FAM135A: variants seen among roughly 807,000 people sequenced by gnomAD.
The protein encoded by FAM135A is family with sequence similarity 135 member A.
Under a neutral mutation model 146.8 loss-of-function variants are expected in FAM135A, and 79 were observed. The observed-to-expected ratio is 0.54, with a 90% CI of 0.45 to 0.65. FAM135A has a LOEUF of 0.65. Among genes scored for constraint, FAM135A ranks in the 30% least tolerant of loss-of-function variants. The pLI is 0.00. For synonymous variants in FAM135A, 562 were observed against 603.6 expected, an observed-to-expected ratio of 0.93 and a Z score of 1.01; for missense variants, 1,623 against 1,758.2, an observed-to-expected ratio of 0.92 and a Z score of 1.38.
rs201641736 is a variant in FAM135A, at chr6:70,524,662, G to C, written c.1578G>C (p.Leu526Phe). The change falls in exon 15 of 22, where the codon TTG becomes TTC. Residue 526 changes from leucine to phenylalanine, a missense_variant. This residue lies in a region of FAM135A where 1,061 missense variants were observed against 1,113.8 expected (regional missense o/e 0.95). Transcript: ENST00000418814. ...DSVVLVGYKC[L>F]KSTASNDLIK... ...TGGTTTTGGTAGGCTACAAATGTTTGAAAAGTACAGCATCAAATGATCTCA... is the reference window on the plus strand; with the variant it reads ...TGGTTTTGGTAGGCTACAAATGTTTCAAAAGTACAGCATCAAATGATCTCA... 1.8e-5 allele frequency: 28 copies of C among 1,550,588 alleles called. No individual in the cohort carries two copies. Among genetic ancestry groups the C allele is most frequent in the Non-Finnish European group, 2.4e-5 (27 of 1,146,630 alleles).
rs1291472008 is a variant in FAM135A, at chr6:70,559,903, C to T, written c.4530C>T (p.Ala1510=). The T allele has an allele frequency of 1.2e-6, 2 of 1,613,034 alleles. No homozygotes were observed. Among genetic ancestry groups the T allele is most frequent in the South Asian group, 2.2e-5 (2 of 90,976 alleles). Residue 1510 remains alanine (A), a synonymous_variant, in exon 22 of 22, where the codon GCC becomes GCT. Coordinates refer to ENST00000418814, the MANE Select transcript of FAM135A (RefSeq NM_001162529.3). ...IFLEKFFLVA[A]LKYFQ ...TAGAGAAATTCTTTCTGGTTGCTGC[C>T]CTCAAATATTTCCAATAGTATAAAA...
intron 4 of FAM135A, among the ~76,000 whole-genome samples, chr6:70,429,119 A>G (rs534842397): frequency 2.2e-4 from 34 of 152,312 alleles, no homozygotes; most frequent in African/African-American, 8.2e-4. Flanking sequence ...TGGATAGGCA[A>G]AGTATAAAGT....
intron 16 of FAM135A, among the ~76,000 whole-genome samples, chr6:70,530,760 C>A (rs1191192324): frequency 6.6e-6 from 1 of 151,926 alleles, no homozygotes; most frequent in Non-Finnish European, 1.5e-5. Context: ...CTCAAACAAA[C>A]AAACAAACAA....
At chr6:70,455,541 C>A (rs889476007) in intron 5 of FAM135A, among the ~76,000 whole-genome samples, 8 of 152,036 alleles carry the variant, frequency 5.3e-5, no homozygotes, top group African/African-American at 1.7e-4. Context: ...CATAATAGAT[C>A]ATCTTTTGTA....
At chr6:70,446,774 T>C (rs1197529545) in intron 4 of FAM135A, among the ~76,000 whole-genome samples, 1 of 152,222 alleles carries the variant, frequency 6.6e-6, no homozygotes, top group Non-Finnish European at 1.5e-5. Context: ...TGATCACCGC[T>C]CTCATAACTA....
At chr6:70,535,479 C>T (rs1280003859) in intron 18 of FAM135A, among the ~76,000 whole-genome samples, 1 of 152,020 alleles carries the variant, frequency 6.6e-6, no homozygotes, top group African/African-American at 2.4e-5. Flanking sequence ...GTCAGATCAT[C>T]GGTGAGCATT....
At chr6:70,443,127 A>G (rs1458828365) in intron 4 of FAM135A, among the ~76,000 whole-genome samples, 1 of 152,216 alleles carries the variant, frequency 6.6e-6, no homozygotes, top group African/African-American at 2.4e-5. Flanking sequence ...ATTACATTCC[A>G]TATGGGGTTG....
rs1258398579 is a variant in FAM135A at position 70,452,564 on chromosome 6, T to C, written c.150T>C (p.His50=). 1 of 1,582,280 alleles carries C rather than the reference T, an allele frequency of 6.3e-7. No individual in the cohort carries two copies. The highest frequency in any genetic ancestry group is 1.2e-5 in the South Asian group (1 of 83,402). The change falls in exon 5 of 22, where the codon CAT becomes CAC. Residue 50 remains histidine, a synonymous_variant. Transcript: ENST00000418814. ...ACAGAGTAGAAGCTAGTTTGTTGCA[T>C]GCAACAGGTAAGCCAAAGAATACAT... ...IPHRVEASLL[H]ATGMTLAFPA...
intron 20 of FAM135A, among the ~76,000 whole-genome samples, chr6:70,542,569 T>C (rs1798136777): frequency 6.6e-6 from 1 of 152,220 alleles, no homozygotes; most frequent in Non-Finnish European, 1.5e-5. Flanking sequence ...GGTCTCATGC[T>C]GTCACCCAGG....
intron 11 of FAM135A, among the ~76,000 whole-genome samples, chr6:70,501,203 G>A (rs1326949656): frequency 2.0e-5 from 3 of 152,186 alleles, no homozygotes; most frequent in African/African-American, 7.2e-5. Context: ...TCCCAGTGAG[G>A]AGGAATCTAG....
chr6:70,424,566 T>C (rs942036782), intron 2 of FAM135A, among the ~76,000 whole-genome samples: 6 of 152,244 alleles, frequency 3.9e-5, no homozygotes, highest in African/African-American at 1.4e-4. Flanking sequence ...GCAGCATCCT[T>C]AATCTAATCT....
intron 12 of FAM135A, among the ~76,000 whole-genome samples, chr6:70,515,402 A>G (rs1420447644): frequency 6.6e-6 from 1 of 152,356 alleles, no homozygotes. Context: ...GTCCATTCAT[A>G]CAGTGGAATG....
rs1179072858 is a variant in FAM135A, at chr6:70,534,312, C to CTTTTTTTTT, written c.3965+475_3965+483dup. ...CAAAAATACTTTCAAAGTTTGTATA[C>CTTTTTTTTT]TTTTTTTTTTTTTTTTTTTTTTTTT... On this transcript the variant is annotated intron_variant, in intron 18 of 21. Transcript: ENST00000418814. Among the ~76,000 whole-genome samples, 7 of 89,846 alleles carry CTTTTTTTTT rather than the reference C, an allele frequency of 7.8e-5. 1 individual carries two copies. Among genetic ancestry groups the CTTTTTTTTT allele is most frequent in the African/African-American group, 2.9e-4 (6 of 20,936 alleles). 58.9% of individuals were successfully genotyped at this position (89,846 alleles called of 152,430 possible).
chr6:70,442,826 A>G (rs145479978), intron 4 of FAM135A, among the ~76,000 whole-genome samples: 203 of 152,312 alleles, frequency 1.3e-3, no homozygotes, highest in Middle Eastern at 6.8e-3. Flanking sequence ...ACCAAATTTA[A>G]ATTTACAAAA....
chr6:70,528,046 A>G (rs1259133398), intron 15 of FAM135A, among the ~76,000 whole-genome samples: 1 of 152,220 alleles, frequency 6.6e-6, no homozygotes, highest in Non-Finnish European at 1.5e-5. Flanking sequence ...GTTGATTTCA[A>G]GTTTAAAAGA....
chr6:70,519,262 C>T (rs903891540), intron 12 of FAM135A, among the ~76,000 whole-genome samples: 2 of 152,182 alleles, frequency 1.3e-5, no homozygotes, highest in Admixed American at 6.5e-5. Flanking sequence ...GACTGAATGG[C>T]TGCAATCTCA....
chr6:70,442,567 A>G (rs1582132701), intron 4 of FAM135A, among the ~76,000 whole-genome samples: 1 of 151,852 alleles, frequency 6.6e-6, no homozygotes, highest in Non-Finnish European at 1.5e-5. Context: ...TTTCTTTTGA[A>G]AATAGAGGCA....
intron 20 of FAM135A, among the ~76,000 whole-genome samples, chr6:70,552,960 T>C (rs1034044009): frequency 6.6e-6 from 1 of 152,196 alleles, no homozygotes; most frequent in Non-Finnish European, 1.5e-5. Flanking sequence ...TAACATATTT[T>C]TAATTTTTTT....
chr6:70,489,244 C>A (rs902438716), intron 10 of FAM135A, among the ~76,000 whole-genome samples: 14 of 152,042 alleles, frequency 9.2e-5, no homozygotes, highest in African/African-American at 3.4e-4. Flanking sequence ...GAGTCTGTTG[C>A]TGGTTTTTTA....
Sources: allele counts gnomAD v4.1 joint callset (sites outside exome capture counted in the v4.1 genomes callset), GRCh38; gene constraint gnomAD v4.1.1; regional missense constraint gnomAD v4.1.1; transcripts MANE v1.5; gene names NCBI Gene and HGNC (gene_info 2026-07-23, HGNC 2026-07-21).